HTR1E: variants seen among roughly 807,000 people sequenced by gnomAD.
The protein encoded by HTR1E is 5-hydroxytryptamine receptor 1E.
Under a neutral mutation model 3.4 loss-of-function variants are expected in HTR1E, and 3 were observed. That is an observed-to-expected ratio of 0.89 (90% CI 0.41 to 2.31). HTR1E has a LOEUF of 2.31. Among genes scored for constraint, HTR1E ranks in the 30% most tolerant of loss-of-function variants. The pLI is 0.05. For missense variants in HTR1E, 392 were observed against 467.0 expected, an observed-to-expected ratio of 0.84 and a Z score of 1.48; for synonymous variants, 170 against 182.8, an observed-to-expected ratio of 0.93 and a Z score of 0.56.
chr6:86,967,498 C>T (rs937984891), intron 1 of HTR1E, among the ~76,000 whole-genome samples: 1 of 152,146 alleles, frequency 6.6e-6, no homozygotes, highest in African/African-American at 2.4e-5. Context: ...GTGCAATGAT[C>T]CATAAATAGC....
chr6:86,992,952 ATC>A (rs1348605564), intron 1 of HTR1E, among the ~76,000 whole-genome samples: 2 of 152,154 alleles, frequency 1.3e-5, no homozygotes, highest in Admixed American at 1.3e-4. Context: ...AGAATATTCT[ATC>A]CCACTCGTCC....
chr6:87,007,806 T>C (rs1462152922), intron 1 of HTR1E, among the ~76,000 whole-genome samples: 2 of 152,006 alleles, frequency 1.3e-5, no homozygotes, highest in African/African-American at 4.8e-5. Flanking sequence ...GGGTGGCACA[T>C]GTCTGTGGTC....
chr6:86,952,664 C>A (rs180851924), intron 1 of HTR1E, among the ~76,000 whole-genome samples: 17 of 152,246 alleles, frequency 1.1e-4, no homozygotes, highest in African/African-American at 2.6e-4. Flanking sequence ...CCTAAAATGT[C>A]ATCAATGGGC....
chr6:87,016,153 T>G lies in HTR1E; in HGVS notation c.819T>G (p.Asp273Glu). ...TCCCCCCCTTCGACAATGATCTAGA[T>G]CACCCAGGAGAACGTCAGCAGATCT... ...IRIPPFDNDLDHPGERQQISS... is the reference protein window; with the variant it reads ...IRIPPFDNDLEHPGERQQISS... The change falls in exon 2 of 2, where the codon GAT becomes GAG. Residue 273 changes from aspartate (D) to glutamate (E), a missense_variant. Asp to Glu is a conservative substitution (Grantham distance 45). Coordinates refer to ENST00000305344, the MANE Select transcript of HTR1E (RefSeq NM_000865.3). 6.2e-7 allele frequency: 1 copy of G among 1,614,122 alleles called. No individual in the cohort carries two copies. The highest frequency in any genetic ancestry group is 8.5e-7 in the Non-Finnish European group (1 of 1,180,014).
intron 1 of HTR1E, among the ~76,000 whole-genome samples, chr6:86,992,403 T>G (rs937605279): frequency 6.6e-6 from 1 of 152,114 alleles, no homozygotes; most frequent in African/African-American, 2.4e-5. Flanking sequence ...TTAAAAACAG[T>G]TTTTCAATTC....
At chr6:86,942,405 G>A (rs1383809620) in intron 1 of HTR1E, among the ~76,000 whole-genome samples, 1 of 152,114 alleles carries the variant, frequency 6.6e-6, no homozygotes, top group East Asian at 1.9e-4. Flanking sequence ...CTCTGCCCTA[G>A]TCAAGGAAGT....
chr6:86,994,842 G>A (rs1426123013), intron 1 of HTR1E, among the ~76,000 whole-genome samples: 2 of 152,270 alleles, frequency 1.3e-5, no homozygotes, highest in South Asian at 2.1e-4. Context: ...TAAATGGAAA[G>A]AGGGTAAAAT....
intron 1 of HTR1E, among the ~76,000 whole-genome samples, chr6:86,957,731 T>G (rs1767346049): frequency 6.6e-6 from 1 of 152,230 alleles, no homozygotes; most frequent in African/African-American, 2.4e-5. Flanking sequence ...AAAGAAAGAT[T>G]TTTATGCATT....
rs562319222 is a variant in HTR1E at position 86,967,930 on chromosome 6, G to A, written c.-186+30107G>A. On this transcript the variant is annotated intron_variant, in intron 1 of 1. Transcript: ENST00000305344. ...AGGGGAGAGTTTTTTTGGATAGGTA[G>A]TATATGCAAAAAAGAATTGTTCCTC... 7.2e-5 allele frequency among the ~76,000 whole-genome samples: 11 copies of A among 152,242 alleles called. No homozygotes were observed. In the South Asian group the frequency reaches 2.3e-3, roughly 32 times the overall value.
intron 1 of HTR1E, among the ~76,000 whole-genome samples, chr6:86,944,838 T>G (rs1217012016): frequency 1.3e-5 from 2 of 152,210 alleles, no homozygotes; most frequent in East Asian, 1.9e-4. Context: ...TGTAGCACAA[T>G]GTATCGCTCA....
intron 1 of HTR1E, among the ~76,000 whole-genome samples, chr6:86,971,661 GATA>G (rs1767558696): frequency 6.6e-6 from 1 of 151,722 alleles, no homozygotes; most frequent in South Asian, 2.1e-4. Context: ...TGATGAAAAA[GATA>G]ATTATTGTGC....
At chr6:86,970,907 G>C in intron 1 of HTR1E, 1 of 287,668 alleles carries the variant, frequency 3.5e-6, no homozygotes, top group Non-Finnish European at 6.7e-6. Context: ...GTCAGTAAAT[G>C]AGCTAATCTA....
rs142372952 is a variant in HTR1E at position 86,982,615 on chromosome 6, C to T, written c.-185-32535C>T. Among the ~76,000 whole-genome samples, 1,484 of 152,250 alleles carry T rather than the reference C, an allele frequency of 9.7e-3. 16 individuals carry two copies. Among genetic ancestry groups the T allele is most frequent in the Middle Eastern group, 0.048 (14 of 294 alleles). On this transcript the variant is annotated intron_variant, in intron 1 of 1. Coordinates refer to ENST00000305344, the MANE Select transcript of HTR1E (RefSeq NM_000865.3). The stretch of plus-strand genomic sequence containing the variant: ...GTGTCTTCAGCTTAAATTACCTATT[C>T]CTCTTCCAGACAAAAGATCTTTAAG...
intron 1 of HTR1E, among the ~76,000 whole-genome samples, chr6:86,960,996 C>G (rs144279017): frequency 4.3e-4 from 65 of 152,320 alleles, no homozygotes; most frequent in African/African-American, 1.2e-3. Flanking sequence ...TACACATATA[C>G]TGTATGTTTA....
intron 1 of HTR1E, among the ~76,000 whole-genome samples, chr6:86,996,779 G>A (rs1264183451): frequency 6.6e-6 from 1 of 151,868 alleles, no homozygotes; most frequent in East Asian, 1.9e-4. Context: ...TAATCTCCAG[G>A]CCTAGATTGT....
chr6:87,015,945 G>A lies in HTR1E; in HGVS notation c.611G>A (p.Arg204Gln), dbSNP rs1222836067. 1.3e-5 allele frequency: 21 copies of A among 1,613,960 alleles called. No individual in the cohort carries two copies. The highest frequency in any genetic ancestry group is 1.7e-5 in the Admixed American group (1 of 59,996). ...ACTTTGATACTGATTCTCTATTACC[G>A]GATTTACCACGCGGCCAAGAGCCTT... is the stretch of plus-strand genomic sequence containing the variant. Reference protein sequence around the residue: ...PLTLILILYYRIYHAAKSLYQ... With the variant: ...PLTLILILYYQIYHAAKSLYQ... Residue 204 changes from arginine (R) to glutamine (Q), a missense_variant, in exon 2 of 2, where the codon CGG becomes CAG. By Grantham distance (43) the Arg-to-Gln change is conservative. Coordinates refer to ENST00000305344, the MANE Select transcript of HTR1E (RefSeq NM_000865.3).
At chr6:86,979,481 T>A (rs973324993) in intron 1 of HTR1E, among the ~76,000 whole-genome samples, 2 of 152,218 alleles carry the variant, frequency 1.3e-5, no homozygotes, top group African/African-American at 4.8e-5. Context: ...ACGTATTTTT[T>A]AAGTTTTGGC....
chr6:87,006,919 C>CG (rs564017356), intron 1 of HTR1E, among the ~76,000 whole-genome samples: 126 of 151,916 alleles, frequency 8.3e-4, no homozygotes, highest in South Asian at 4.0e-3. Flanking sequence ...CTGGGGCCTG[C>CG]GGGGGGAGTG....
intron 1 of HTR1E, among the ~76,000 whole-genome samples, chr6:86,978,754 AG>A (rs1360947675): frequency 6.6e-6 from 1 of 152,222 alleles, no homozygotes; most frequent in African/African-American, 2.4e-5. Flanking sequence ...TCTGCAGGTT[AG>A]GCCTTCACAG....
Sources: gnomAD v4.1 joint callset for allele counts (sites outside exome capture counted in the v4.1 genomes callset) on GRCh38, gnomAD v4.1.1 for gene constraint, MANE v1.5 for transcripts, NCBI Gene and HGNC (gene_info 2026-07-23, HGNC 2026-07-21) for gene names.